The following SRSF11 variants were observed in gnomAD, a reference collection of about 807,000 sequenced individuals.
SRSF11 encodes serine/arginine-rich splicing factor 11.
In SRSF11, 9 loss-of-function variants were observed where a neutral mutation model predicts 56.0. The observed-to-expected ratio is 0.16, with a 90% confidence interval of 0.10 to 0.28. The LOEUF (loss-of-function observed/expected upper bound fraction) is 0.28, where lower values mean the gene tolerates loss of function less well. Among genes scored for constraint, SRSF11 ranks in the 10% least tolerant of loss-of-function variants. The pLI is 1.00. For synonymous variants in SRSF11, 222 were observed against 215.3 expected (o/e 1.03, Z -0.27); for missense variants, 421 against 600.7 (o/e 0.70, Z 3.13).
Position 70,221,802 on chromosome 1 carries a change from C to T in SRSF11, c.166C>T (p.Leu56=). The change falls in exon 1 of 12, where the codon CTA becomes TTA. Residue 56 remains leucine (L), a synonymous_variant. Transcript: ENST00000370949. The stretch of plus-strand genomic sequence containing the variant: ...GCAGATGCGGACTCTCTTCGGTTTC[C>T]TAGGCAAGATCGACGAACTGCGCCT... ...SEQMRTLFGF[L]GKIDELRLFP... is the part of the protein sequence containing the mutation. 6.2e-7 allele frequency: 1 copy of T among 1,614,100 alleles called. No homozygotes were observed.
At chr1:70,214,552 T>G (rs1350501889) in intron 1 of SRSF11, among the ~76,000 whole-genome samples, 1 of 152,188 alleles carries the variant, frequency 6.6e-6, no homozygotes, top group Non-Finnish European at 1.5e-5. Flanking sequence ...TCACAGACCC[T>G]GCTCTGTCAA....
At chr1:70,230,555 A>G (rs1209659987) in intron 2 of SRSF11, 8 of 1,282,824 alleles carry the variant, frequency 6.2e-6, no homozygotes, top group East Asian at 5.6e-5. Context: ...ACATTCATGC[A>G]GTATTTCATG....
intron 2 of SRSF11, chr1:70,231,031 A>G (rs1672763961): frequency 2.3e-6 from 3 of 1,288,574 alleles, no homozygotes; most frequent in Non-Finnish European, 3.0e-6. Context: ...TTCTCAGTAT[A>G]GGTGGAAGGA....
chr1:70,212,804 T>C (rs182195774), intron 1 of SRSF11, among the ~76,000 whole-genome samples: 2 of 152,342 alleles, frequency 1.3e-5, no homozygotes, highest in East Asian at 3.9e-4. Context: ...GTGTCGTGGC[T>C]GATGCCTGTA....
upstream of SRSF11, among the ~76,000 whole-genome samples, chr1:70,219,641 G>A (rs1279167325): frequency 2.6e-5 from 4 of 152,164 alleles, no homozygotes; most frequent in Non-Finnish European, 4.4e-5. Context: ...GGAGGGTCCT[G>A]GAACCAATCC....
chr1:70,219,993 TTCAAGG>T (rs1258676592), upstream of SRSF11, among the ~76,000 whole-genome samples: 1 of 152,248 alleles, frequency 6.6e-6, no homozygotes, highest in African/African-American at 2.4e-5. Context: ...TCTAAAAACA[TTCAAGG>T]TCAAGTGAAT....
At chr1:70,220,253 A>T (rs1263224351), upstream of SRSF11, among the ~76,000 whole-genome samples, 2 of 152,236 alleles carry the variant, frequency 1.3e-5, no homozygotes, top group East Asian at 3.9e-4. Context: ...GCTCTACAGA[A>T]GATGACAGAT....
intron 7 of SRSF11, among the ~76,000 whole-genome samples, chr1:70,240,770 CTTT>C (rs72113966): frequency 9.1e-6 from 1 of 109,906 alleles, no homozygotes; most frequent in Admixed American, 9.7e-5. Flanking sequence ...CATCACTGGA[CTTT>C]TTTTTTTTTT....
At chr1:70,230,469 A>G in intron 2 of SRSF11, 1 of 1,221,644 alleles carries the variant, frequency 8.2e-7, no homozygotes, top group Non-Finnish European at 1.0e-6. Context: ...TCTTAATAGT[A>G]ATGGATTTGG....
rs1202366025 is a variant in SRSF11 at position 70,252,557 on chromosome 1, G to T, written c.*1752G>T. 2.1e-5 allele frequency: 3 copies of T among 142,250 alleles called. No homozygotes were observed. The Admixed American group carries it at 2.2e-4, about 11-fold the overall frequency. The allele number at this position is 142,250 out of a possible 1,614,324, so 8.8% of individuals were successfully genotyped here. A position where few individuals can be genotyped will look rare whatever the true frequency, so the allele number is the denominator to read the frequency against. The stretch of plus-strand genomic sequence containing the variant: ...AACAGCATTGTTTTTACAGTTTGTA[G>T]TAAGTAACTTTTTAAAGATTTTATC... On this transcript the variant is annotated 3_prime_UTR_variant, in exon 12 of 12. Transcript: ENST00000370949.
At chr1:70,248,901 C>T (rs1443082953) in intron 9 of SRSF11, 1 of 152,048 alleles carries the variant, frequency 6.6e-6, no homozygotes, top group Non-Finnish European at 1.5e-5. Flanking sequence ...GGTGCACAGT[C>T]GTGACAATGT....
At chr1:70,216,289 T>C (rs942187397) in intron 1 of SRSF11, among the ~76,000 whole-genome samples, 6 of 152,140 alleles carry the variant, frequency 3.9e-5, no homozygotes, top group Non-Finnish European at 8.8e-5. Context: ...TTTTTTTCAA[T>C]GTAGTGGTTC....
chr1:70,229,649 A>C (rs1205337024), intron 2 of SRSF11: 1 of 984,946 alleles, frequency 1.0e-6, no homozygotes, highest in African/African-American at 1.7e-5. Context: ...TAAACTGGTC[A>C]GTGGAAGTGG....
chr1:70,238,294 G>GA (rs1674564036), intron 6 of SRSF11, among the ~76,000 whole-genome samples: 1 of 152,150 alleles, frequency 6.6e-6, no homozygotes, highest in Admixed American at 6.6e-5. Flanking sequence ...TAAAGTTTAT[G>GA]ACACACCGTG....
chr1:70,240,103 C>G (rs1674995833), intron 7 of SRSF11, among the ~76,000 whole-genome samples: 1 of 152,128 alleles, frequency 6.6e-6, no homozygotes, highest in Non-Finnish European at 1.5e-5. Context: ...CAGCTCATAA[C>G]TCAACACAGG....
chr1:70,209,002 A>G (rs910662458), intron 1 of SRSF11, among the ~76,000 whole-genome samples: 12 of 152,230 alleles, frequency 7.9e-5, no homozygotes, highest in Admixed American at 6.5e-5. Context: ...TTTGTAATGG[A>G]ATTGTCTAGC....
chr1:70,225,221 T>TA (rs1358287444), intron 1 of SRSF11, among the ~76,000 whole-genome samples: 1 of 152,242 alleles, frequency 6.6e-6, no homozygotes, highest in Non-Finnish European at 1.5e-5. Flanking sequence ...AATACGGAGA[T>TA]ACATTGAAGT....
At chr1:70,209,529 C>A (rs904919885) in intron 1 of SRSF11, among the ~76,000 whole-genome samples, 2 of 152,070 alleles carry the variant, frequency 1.3e-5, no homozygotes, top group Admixed American at 6.6e-5. Flanking sequence ...TTTAGACTTA[C>A]AATTTCACAT....
chr1:70,215,439 A>T (rs933722111), intron 1 of SRSF11, among the ~76,000 whole-genome samples: 9 of 152,214 alleles, frequency 5.9e-5, no homozygotes, highest in African/African-American at 2.2e-4. Context: ...AGCAGATTGT[A>T]TGAGGCATTT....
Sources: gnomAD v4.1 joint callset for allele counts (sites outside exome capture counted in the v4.1 genomes callset) on GRCh38, gnomAD v4.1.1 for gene constraint, MANE v1.5 for transcripts, NCBI Gene and HGNC (gene_info 2026-07-23, HGNC 2026-07-21) for gene names.